ZSWIM5: variants seen among roughly 807,000 people sequenced by gnomAD.
ZSWIM5 encodes zinc finger SWIM domain-containing protein 5.
ZSWIM5 carries 55 observed loss-of-function variants against 119.6 expected under a neutral mutation model. The observed-to-expected ratio is 0.46, with a 90% confidence interval of 0.37 to 0.58. ZSWIM5 has a LOEUF of 0.58. Ranked by LOEUF, ZSWIM5 falls within the 20% of genes least tolerant of loss-of-function variation. The pLI is 0.00. For missense variants in ZSWIM5, 1,193 were observed against 1,512.8 expected (o/e 0.79, Z 3.51); for synonymous variants, 537 against 606.9 (o/e 0.88, Z 1.69).
chr1:45,055,436 A>G (rs147550963), intron 4 of ZSWIM5, among the ~76,000 whole-genome samples: 1 of 152,300 alleles, frequency 6.6e-6, no homozygotes, highest in African/African-American at 2.4e-5. Flanking sequence ...ATTGAGCAAC[A>G]AGATAATACA....
chr1:45,181,541 G>C (rs931116580), intron 1 of ZSWIM5, among the ~76,000 whole-genome samples: 11 of 152,024 alleles, frequency 7.2e-5, no homozygotes, highest in Non-Finnish European at 1.5e-4. Flanking sequence ...CCCCAATCTA[G>C]CAAGGCAGGC....
chr1:45,044,528 C>T (rs1471618509), intron 5 of ZSWIM5, among the ~76,000 whole-genome samples: 3 of 148,670 alleles, frequency 2.0e-5, no homozygotes, highest in Non-Finnish European at 4.5e-5. Context: ...TCGAGACCAT[C>T]CTGACCAACA....
chr1:45,166,938 CA>C (rs1484180059), intron 1 of ZSWIM5, among the ~76,000 whole-genome samples: 2 of 152,092 alleles, frequency 1.3e-5, no homozygotes, highest in African/African-American at 4.8e-5. Context: ...ATCAAGCTAC[CA>C]ATGACTTTCT....
At chr1:45,065,847 CT>C (rs545936894) in intron 2 of ZSWIM5, among the ~76,000 whole-genome samples, 7 of 150,872 alleles carry the variant, frequency 4.6e-5, no homozygotes, top group South Asian at 2.1e-4. Context: ...GGAGAATTTT[CT>C]TTTTTTTTAA....
In ZSWIM5 at chr1:45,018,415, G is replaced by A. The variant is rs1644868035; in HGVS notation, c.*39C>T. ...CCCTTGGCCTGACCTGATACTACCT[G>A]GGAACCCAGGCTGCTCTGGCAGTGA... On this transcript the variant is annotated 3_prime_UTR_variant, in exon 14 of 14. Transcript: ENST00000359600. The surrounding 1 kb of genome is among the most constrained non-coding windows in gnomAD (Gnocchi z 6.7). 6.3e-7 allele frequency: 1 copy of A among 1,593,144 alleles called. No homozygotes were observed. Among genetic ancestry groups the A allele is most frequent in the African/African-American group, 1.3e-5 (1 of 74,746 alleles).
intron 2 of ZSWIM5, among the ~76,000 whole-genome samples, chr1:45,079,355 C>T (rs1392705401): frequency 1.3e-5 from 2 of 152,234 alleles, no homozygotes; most frequent in African/African-American, 4.8e-5. Context: ...GCGCATGACA[C>T]TTCCACTCTT....
intron 11 of ZSWIM5, among the ~76,000 whole-genome samples, chr1:45,033,198 T>A (rs1644963342): frequency 6.6e-6 from 1 of 152,242 alleles, no homozygotes; most frequent in Non-Finnish European, 1.5e-5. Context: ...ATTTCTAATG[T>A]GATACCAGGT....
At chr1:45,178,487 T>G (rs887601811) in intron 1 of ZSWIM5, among the ~76,000 whole-genome samples, 1 of 152,276 alleles carries the variant, frequency 6.6e-6, no homozygotes, top group East Asian at 1.9e-4. Flanking sequence ...CAGATTCTAC[T>G]TTGAAGTCTG....
intron 11 of ZSWIM5, among the ~76,000 whole-genome samples, chr1:45,026,279 C>T (rs1230478600): frequency 6.6e-6 from 1 of 152,176 alleles, no homozygotes; most frequent in African/African-American, 2.4e-5. Flanking sequence ...AAGCGATTCT[C>T]TCATCTTGGC....
At chr1:45,106,488 G>A (rs545442612) in intron 1 of ZSWIM5, among the ~76,000 whole-genome samples, 11 of 137,076 alleles carry the variant, frequency 8.0e-5, no homozygotes, top group East Asian at 4.5e-4. Flanking sequence ...GCCTCTGCCC[G>A]GCCGCTCTTA....
At chr1:45,104,215 G>T (rs1021594801) in intron 1 of ZSWIM5, among the ~76,000 whole-genome samples, 5 of 152,174 alleles carry the variant, frequency 3.3e-5, no homozygotes, top group Admixed American at 6.5e-5. Flanking sequence ...TAGCAAAACA[G>T]TAACCAGAAC....
intron 1 of ZSWIM5, among the ~76,000 whole-genome samples, chr1:45,101,727 C>G (rs1645440782): frequency 6.6e-6 from 1 of 152,174 alleles, no homozygotes; most frequent in Non-Finnish European, 1.5e-5. Context: ...AGGACGAGTT[C>G]ATGTCCTTTG....
At chr1:45,068,262 T>A (rs1273216463) in intron 2 of ZSWIM5, among the ~76,000 whole-genome samples, 1 of 151,688 alleles carries the variant, frequency 6.6e-6, no homozygotes, top group Non-Finnish European at 1.5e-5. Flanking sequence ...CACACTACCA[T>A]GCCTGGCTAA....
chr1:45,036,444 T>TC, intron 8 of ZSWIM5, 145 bp from the exon 9 acceptor site: 1 of 1,188,066 alleles, frequency 8.4e-7, no homozygotes, highest in Non-Finnish European at 1.1e-6. Context: ...AGCCTCCGCC[T>TC]CCCCGGTTCA....
At chr1:45,090,031 A>C (rs1374616995) in intron 1 of ZSWIM5, among the ~76,000 whole-genome samples, 1 of 152,256 alleles carries the variant, frequency 6.6e-6, no homozygotes, top group Non-Finnish European at 1.5e-5. Flanking sequence ...TTGTCAAGTA[A>C]TAAAAGGTAC....
chr1:45,048,456 G>A (rs1645070352), intron 5 of ZSWIM5, among the ~76,000 whole-genome samples: 1 of 152,154 alleles, frequency 6.6e-6, no homozygotes, highest in Non-Finnish European at 1.5e-5. Flanking sequence ...GGAGTTAAGT[G>A]TGTATGCAAA....
chr1:45,098,081 C>A (rs755941599), intron 1 of ZSWIM5, among the ~76,000 whole-genome samples: 7 of 151,914 alleles, frequency 4.6e-5, no homozygotes, highest in Non-Finnish European at 8.8e-5. Context: ...AGACTCCAGG[C>A]AAGAGAGAGA....
At chr1:45,163,489 G>A (rs1470097963) in intron 1 of ZSWIM5, among the ~76,000 whole-genome samples, 1 of 152,192 alleles carries the variant, frequency 6.6e-6, no homozygotes, top group Non-Finnish European at 1.5e-5. Context: ...GACGAGTTGA[G>A]AGAAGGCTTC....
chr1:45,191,711 G>C (rs910200712), intron 1 of ZSWIM5, among the ~76,000 whole-genome samples: 2 of 152,170 alleles, frequency 1.3e-5, no homozygotes, highest in African/African-American at 4.8e-5. Flanking sequence ...GCTAGAAAGT[G>C]GCAGAACTGG....
Sources: gnomAD v4.1 joint callset for allele counts (sites outside exome capture counted in the v4.1 genomes callset) on GRCh38, gnomAD v4.1.1 for gene constraint, Gnocchi (gnomAD v3.1) non-coding constraint, MANE v1.5 for transcripts, NCBI Gene and HGNC (gene_info 2026-07-23, HGNC 2026-07-21) for gene names.